NPAS3: variants seen among roughly 807,000 people sequenced by gnomAD.
NPAS3 encodes neuronal PAS domain protein 3.
In NPAS3, 14 loss-of-function variants were observed where a neutral mutation model predicts 73.1. The observed-to-expected ratio is 0.19, with a 90% confidence interval of 0.13 to 0.30. NPAS3 has a LOEUF of 0.30. Among genes scored for constraint, NPAS3 ranks in the 10% least tolerant of loss-of-function variants. The probability of loss-of-function intolerance (pLI) is 1.00; values close to 1 mark genes in which losing one functional copy is unlikely to be tolerated. For missense variants in NPAS3, 1,096 were observed against 1,250.0 expected (o/e 0.88, Z 1.86); for synonymous variants, 620 against 541.5 (o/e 1.14, Z -2.01).
intron 4 of NPAS3, among the ~76,000 whole-genome samples, chr14:33,478,169 C>T (rs1193026954): frequency 3.9e-5 from 6 of 152,112 alleles, no homozygotes; most frequent in South Asian, 4.1e-4. Context: ...GGCAGTGTTA[C>T]GGTGAACTGG....
chr14:33,456,062 T>G (rs1334142446), intron 4 of NPAS3, among the ~76,000 whole-genome samples: 3 of 152,208 alleles, frequency 2.0e-5, no homozygotes, highest in South Asian at 2.1e-4. Flanking sequence ...ATGATCCCAT[T>G]TCAATCAAAC....
At chr14:33,778,477 A>G in exon 9 of NPAS3, 1 of 1,609,370 alleles carries the variant, frequency 6.2e-7, no homozygotes, top group Non-Finnish European at 8.5e-7. Context: ...ATTAGTGATT[A>G]TATGGATCTG....
At chr14:33,719,636 A>C (rs1418100936) in intron 6 of NPAS3, among the ~76,000 whole-genome samples, 1 of 152,192 alleles carries the variant, frequency 6.6e-6, no homozygotes, top group Admixed American at 6.6e-5. Context: ...AAGGAGATTA[A>C]AACAAAATGG....
chr14:33,237,945 A>G (rs1385049241), intron 3 of NPAS3, among the ~76,000 whole-genome samples: 1 of 151,894 alleles, frequency 6.6e-6, no homozygotes, highest in African/African-American at 2.4e-5. Context: ...ACATTTTCAC[A>G]AGCAAAATGT....
chr14:33,517,698 C>T (rs1329308504), intron 4 of NPAS3, among the ~76,000 whole-genome samples: 1 of 152,048 alleles, frequency 6.6e-6, no homozygotes, highest in Non-Finnish European at 1.5e-5. Flanking sequence ...CCCCGCAGCA[C>T]CTAGGGCTCA....
chr14:33,018,897 C>T (rs1025596901), intron 1 of NPAS3, among the ~76,000 whole-genome samples: 1 of 151,494 alleles, frequency 6.6e-6, no homozygotes, highest in Non-Finnish European at 1.5e-5. Context: ...ATAAAGGTAA[C>T]TTGTAGAGAG....
chr14:33,248,314 A>G (rs1344571580), intron 3 of NPAS3, among the ~76,000 whole-genome samples: 1 of 152,180 alleles, frequency 6.6e-6, no homozygotes, highest in Middle Eastern at 3.2e-3. Context: ...TAAAATTCTT[A>G]CCGGTATGTT....
intron 1 of NPAS3, among the ~76,000 whole-genome samples, chr14:33,000,097 G>A (rs1000704273): frequency 2.6e-5 from 4 of 152,218 alleles, no homozygotes; most frequent in African/African-American, 9.6e-5. Flanking sequence ...GAGTTTCTAA[G>A]AAGGAGTTGC....
At chr14:33,348,399 C>T (rs1046222253) in intron 3 of NPAS3, among the ~76,000 whole-genome samples, 12 of 152,038 alleles carry the variant, frequency 7.9e-5, no homozygotes, top group African/African-American at 2.9e-4. Flanking sequence ...TGTCTTTAAA[C>T]CCTATGTAGA....
chr14:32,995,176 T>C (rs553627129), intron 1 of NPAS3, among the ~76,000 whole-genome samples: 10 of 152,296 alleles, frequency 6.6e-5, no homozygotes, highest in Non-Finnish European at 1.3e-4. Flanking sequence ...ATTGGACATC[T>C]TTAGTGGATA....
chr14:33,641,532 G>A (rs1384888997), intron 5 of NPAS3, among the ~76,000 whole-genome samples: 4 of 152,126 alleles, frequency 2.6e-5, no homozygotes, highest in Non-Finnish European at 5.9e-5. Flanking sequence ...GGGGCTAGGG[G>A]GTGATTCTTT....
chr14:33,183,817 C>T (rs947820032), intron 2 of NPAS3, among the ~76,000 whole-genome samples: 2 of 152,148 alleles, frequency 1.3e-5, no homozygotes, highest in Non-Finnish European at 2.9e-5. Context: ...TTGCTGAACT[C>T]TCATTTGCTT....
intron 4 of NPAS3, among the ~76,000 whole-genome samples, chr14:33,393,500 C>A (rs542722124): frequency 6.6e-6 from 1 of 152,306 alleles, no homozygotes; most frequent in African/African-American, 2.4e-5. Context: ...TCCACTTCAG[C>A]TGGCCGCCAC....
intron 6 of NPAS3, among the ~76,000 whole-genome samples, chr14:33,725,681 A>G (rs2061245471): frequency 6.6e-6 from 1 of 151,984 alleles, no homozygotes; most frequent in Non-Finnish European, 1.5e-5. Context: ...TTGCCTCTTA[A>G]CCCTTTGGAA....
intron 2 of NPAS3, among the ~76,000 whole-genome samples, chr14:33,162,496 T>C (rs537482379): frequency 3.3e-5 from 5 of 152,326 alleles, no homozygotes; most frequent in African/African-American, 1.2e-4. Context: ...TTAATAAAGC[T>C]AAATACAATT....
chr14:33,555,486 A>G (rs141243705), intron 4 of NPAS3, among the ~76,000 whole-genome samples: 1 of 152,214 alleles, frequency 6.6e-6, no homozygotes, highest in Non-Finnish European at 1.5e-5. Flanking sequence ...ATTGAACTGC[A>G]TAGTATATAA....
At chr14:32,939,801 G>T (rs532716527) in intron 1 of NPAS3, among the ~76,000 whole-genome samples, 4 of 152,054 alleles carry the variant, frequency 2.6e-5, no homozygotes, top group Admixed American at 2.6e-4. Context: ...GCTGGGGAGG[G>T]GGAGGGAAGG....
At chr14:33,589,213 T>G (rs4982098) in intron 5 of NPAS3, among the ~76,000 whole-genome samples, 14,509 of 152,266 alleles carry the variant, frequency 0.095, 796 homozygotes, top group Admixed American at 0.19. Context: ...AGAAGCAATA[T>G]AATGACTTTT....
intron 2 of NPAS3, among the ~76,000 whole-genome samples, chr14:33,081,191 G>A (rs1324457075): frequency 6.6e-6 from 1 of 152,130 alleles, no homozygotes; most frequent in Non-Finnish European, 1.5e-5. Context: ...GTAGACTAGA[G>A]CTCTATTACC....
Sources: allele counts gnomAD v4.1 joint callset (sites outside exome capture counted in the v4.1 genomes callset), GRCh38; gene constraint gnomAD v4.1.1; transcripts MANE v1.5; gene names NCBI Gene and HGNC (gene_info 2026-07-23, HGNC 2026-07-21).